The following TRPC5 variants were observed in gnomAD, a reference collection of about 807,000 sequenced individuals.
TRPC5 encodes the protein transient receptor potential cation channel subfamily C member 5, also known as short transient receptor potential channel 5.
TRPC5 carries 9 observed loss-of-function variants against 56.5 expected under a neutral mutation model. The observed-to-expected ratio is 0.16, with a 90% CI of 0.10 to 0.28. TRPC5 has a LOEUF of 0.28. TRPC5 is among the 10% of genes least tolerant of loss of function. The pLI is 1.00. For missense variants in TRPC5, 469 were observed against 748.9 expected, an observed-to-expected ratio of 0.63 and a Z score of 4.36; for synonymous variants, 282 against 278.5, an observed-to-expected ratio of 1.01 and a Z score of -0.13.
intron 1 of TRPC5, among the ~76,000 whole-genome samples, chrX:112,013,473 A>C (rs1929043918): frequency 9.0e-6 from 1 of 111,586 alleles, no homozygotes; most frequent in African/African-American, 3.3e-5. Flanking sequence ...AGAACAGTTT[A>C]GATGTCAACA....
chrX:111,894,382 A>G (rs1436012851), intron 3 of TRPC5, among the ~76,000 whole-genome samples: 5 of 112,178 alleles, frequency 4.5e-5, no homozygotes, highest in African/African-American at 1.6e-4. Flanking sequence ...GCAGACAAAA[A>G]AAGTCCCAAG....
chrX:111,789,306 C>T (rs990730455), intron 7 of TRPC5, among the ~76,000 whole-genome samples: 2 of 111,825 alleles, frequency 1.8e-5, no homozygotes, highest in Non-Finnish European at 3.8e-5. Context: ...CAAAAACAAG[C>T]AATGGGGAAA....
chrX:112,076,435 T>A (rs755323081), intron 1 of TRPC5, among the ~76,000 whole-genome samples: 2 of 110,631 alleles, frequency 1.8e-5, no homozygotes, highest in South Asian at 7.9e-4. Context: ...GAGGTAGGAG[T>A]TGCTCTTTTT....
intron 1 of TRPC5, among the ~76,000 whole-genome samples, chrX:112,067,162 C>T (rs1250236049): frequency 8.9e-6 from 1 of 112,050 alleles, no homozygotes; most frequent in African/African-American, 3.2e-5. Flanking sequence ...GACTCTTCAC[C>T]CATTCCTGCC....
chrX:111,821,950 G>C (rs1317790030), intron 7 of TRPC5, among the ~76,000 whole-genome samples: 4 of 111,357 alleles, frequency 3.6e-5, no homozygotes, highest in Non-Finnish European at 5.7e-5. Flanking sequence ...CCTTCAGAGT[G>C]TTGTGGACAG....
At chrX:111,980,763 G>A (rs1472058227) in intron 1 of TRPC5, among the ~76,000 whole-genome samples, 1 of 109,123 alleles carries the variant, frequency 9.2e-6, no homozygotes, top group Non-Finnish European at 1.9e-5. Flanking sequence ...ATTTACAATA[G>A]AGTATTGTAT....
At chrX:111,882,390 G>C (rs952693662) in intron 3 of TRPC5, among the ~76,000 whole-genome samples, 1 of 112,045 alleles carries the variant, frequency 8.9e-6, no homozygotes, top group Non-Finnish European at 1.9e-5. Context: ...CCCAGAGTAC[G>C]GCCTGAAACT....
intron 1 of TRPC5, among the ~76,000 whole-genome samples, chrX:111,966,688 T>A (rs767163838): frequency 1.1e-3 from 119 of 112,147 alleles, no homozygotes; most frequent in Middle Eastern, 4.6e-3. Context: ...TGCAAATCAA[T>A]AAATGTAATC....
At position 111,782,123 on chromosome X, in the gene TRPC5, C is replaced by T; in HGVS notation, c.1912G>A (p.Glu638Lys). The T allele has an allele frequency of 8.3e-7, 1 of 1,208,233 alleles. No homozygotes were observed. Among genetic ancestry groups the T allele is most frequent in the Non-Finnish European group, 1.1e-6 (1 of 893,800 alleles). Residue 638 changes from glutamate to lysine, a missense_variant, in exon 8 of 11, where the codon GAG becomes AAG. Around this residue, in one of 3 missense-constraint regions of TRPC5, gnomAD observed 157 missense variants for 360.0 expected, o/e 0.44. Coordinates refer to ENST00000262839, the MANE Select transcript of TRPC5 (RefSeq NM_012471.3). ...AGCTTCGTCCTTGCAAACTTCCACT[C>T]GATATCAGCATGATCCTATGAAAGA... Reference protein sequence around the residue: ...YQLIADHADIEWKFARTKLWM... With the variant: ...YQLIADHADIKWKFARTKLWM...
chrX:111,812,934 T>G (rs1454462787), intron 7 of TRPC5, among the ~76,000 whole-genome samples: 1 of 112,511 alleles, frequency 8.9e-6, no homozygotes, highest in African/African-American at 3.2e-5. Flanking sequence ...GTAATCATAC[T>G]TATCTAAAAC....
chrX:111,997,495 T>C (rs1001647025), intron 1 of TRPC5, among the ~76,000 whole-genome samples: 4 of 111,002 alleles, frequency 3.6e-5, no homozygotes, highest in African/African-American at 6.6e-5. Flanking sequence ...AGGAGTATCT[T>C]TGTGGTGTTC....
At chrX:111,857,825 C>T (rs995879731) in intron 3 of TRPC5, among the ~76,000 whole-genome samples, 1 of 112,779 alleles carries the variant, frequency 8.9e-6, no homozygotes, top group African/African-American at 3.2e-5. Flanking sequence ...ATTTGGAGCT[C>T]TTCAGCAATG....
rs1046443090 is a variant in TRPC5 at position 112,066,152 on chromosome X, C to T, written c.-22+15727G>A. On this transcript the variant is annotated intron_variant, in intron 1 of 10. Transcript: ENST00000262839. ...CTTATGTTACATCCCTTCTGTACAG[C>T]GTTCCCTGACTTCTTCAGGCAGAAC... Among the ~76,000 whole-genome samples, 10 of 107,864 alleles carry T rather than the reference C, an allele frequency of 9.3e-5. 1 individual carries two copies. The highest frequency in any genetic ancestry group is 7.1e-4 in the Admixed American group (7 of 9,851). The allele number at this position is 107,864 out of a possible 115,157, so 93.7% of individuals were successfully genotyped here.
intron 3 of TRPC5, among the ~76,000 whole-genome samples, chrX:111,891,443 AGCT>A (rs754402259): frequency 8.9e-6 from 1 of 112,377 alleles, no homozygotes; most frequent in South Asian, 3.7e-4. Context: ...GCTACTAACC[AGCT>A]GTGCAATCTT....
At chrX:111,777,993 T>C (rs1294825054) in intron 10 of TRPC5, among the ~76,000 whole-genome samples, 1 of 112,578 alleles carries the variant, frequency 8.9e-6, no homozygotes, top group Non-Finnish European at 1.9e-5. Flanking sequence ...CTCACCACTG[T>C]ACCAGAGCAC....
chrX:111,920,991 T>A (rs1163728115), intron 2 of TRPC5, among the ~76,000 whole-genome samples: 1 of 112,353 alleles, frequency 8.9e-6, no homozygotes, highest in Admixed American at 9.4e-5. Context: ...TTTGACTTAA[T>A]TTAAAACTCT....
At chrX:112,056,197 A>C (rs1039435830) in intron 1 of TRPC5, among the ~76,000 whole-genome samples, 1 of 111,360 alleles carries the variant, frequency 9.0e-6, no homozygotes, top group Non-Finnish European at 1.9e-5. Context: ...GCCCCCATTC[A>C]CCTCCATCAG....
chrX:111,885,557 T>TAAAA (rs77870285), intron 3 of TRPC5, among the ~76,000 whole-genome samples: 1 of 106,191 alleles, frequency 9.4e-6, no homozygotes, highest in East Asian at 2.9e-4. Flanking sequence ...TTTTTTTTTT[T>TAAAA]AAAAAAAGAA....
chrX:111,838,719 C>T (rs1315559061), intron 6 of TRPC5, among the ~76,000 whole-genome samples: 3 of 111,518 alleles, frequency 2.7e-5, no homozygotes, highest in African/African-American at 9.8e-5. Context: ...AAGACAAATC[C>T]ATAACAGGTG....
Sources: allele counts gnomAD v4.1 joint callset (sites outside exome capture counted in the v4.1 genomes callset), GRCh38; gene constraint gnomAD v4.1.1; regional missense constraint gnomAD v4.1.1; transcripts MANE v1.5; gene names NCBI Gene and HGNC (gene_info 2026-07-23, HGNC 2026-07-21).